PCDH15: variants seen among roughly 807,000 people sequenced by gnomAD.
The protein encoded by PCDH15 is protocadherin-15.
Under a neutral mutation model 178.5 loss-of-function variants are expected in PCDH15, and 129 were observed. The ratio of observed to expected loss-of-function variants is 0.72; its 90% confidence interval spans 0.63 to 0.84. The LOEUF is 0.84. Among genes scored for constraint, PCDH15 ranks in the 40% least tolerant of loss-of-function variants. The probability of loss-of-function intolerance (pLI) is 0.00; values close to 1 mark genes in which losing one functional copy is unlikely to be tolerated. For synonymous variants in PCDH15, 800 were observed against 732.0 expected, an observed-to-expected ratio of 1.09 and a Z score of -1.50; for missense variants, 2,230 against 2,099.9, an observed-to-expected ratio of 1.06 and a Z score of -1.21.
intron 2 of PCDH15, among the ~76,000 whole-genome samples, chr10:55,477,288 A>T (rs1840081609): frequency 6.6e-6 from 1 of 151,900 alleles, no homozygotes; most frequent in South Asian, 2.1e-4. Context: ...AATGTATGGT[A>T]TGGCTTCCTT....
At chr10:53,971,060 C>G (rs1287067685) in intron 21 of PCDH15, among the ~76,000 whole-genome samples, 1 of 152,184 alleles carries the variant, frequency 6.6e-6, no homozygotes, top group Non-Finnish European at 1.5e-5. Context: ...AAAACCAAAT[C>G]CAGCAGCACA....
chr10:54,882,090 C>T (rs780219394), intron 3 of PCDH15, among the ~76,000 whole-genome samples: 7 of 151,892 alleles, frequency 4.6e-5, no homozygotes, highest in Non-Finnish European at 7.4e-5. Context: ...TTATTTAATA[C>T]CGAATTCATA....
intron 2 of PCDH15, among the ~76,000 whole-genome samples, chr10:54,979,816 G>A (rs555113481): frequency 2.0e-5 from 3 of 151,812 alleles, no homozygotes; most frequent in Non-Finnish European, 2.9e-5. Context: ...CATATTCTAC[G>A]TGTAACATAC....
At chr10:54,867,920 A>T (rs911595749) in intron 3 of PCDH15, among the ~76,000 whole-genome samples, 3 of 152,290 alleles carry the variant, frequency 2.0e-5, no homozygotes, top group African/African-American at 7.2e-5. Flanking sequence ...AATTAATAAT[A>T]ATTCTTGTAT....
At chr10:55,087,629 T>C (rs1252472354) in intron 2 of PCDH15, among the ~76,000 whole-genome samples, 3 of 152,118 alleles carry the variant, frequency 2.0e-5, no homozygotes, top group Non-Finnish European at 4.4e-5. Flanking sequence ...AGAGAACAGT[T>C]ACAGACTGTT....
At chr10:54,622,583 AAT>A (rs1341190267) in intron 2 of PCDH15, among the ~76,000 whole-genome samples, 3 of 45,032 alleles carry the variant, frequency 6.7e-5, no homozygotes, top group East Asian at 6.7e-4. Context: ...ATATATATAT[AAT>A]ATATATAATA....
At chr10:55,047,727 C>CA (rs978908720) in intron 2 of PCDH15, among the ~76,000 whole-genome samples, 1 of 151,442 alleles carries the variant, frequency 6.6e-6, no homozygotes, top group African/African-American at 2.4e-5. Flanking sequence ...CCCTACTTTC[C>CA]AAAAAAATAA....
At chr10:53,852,527 C>T (rs2078451887) in intron 28 of PCDH15, among the ~76,000 whole-genome samples, 1 of 152,050 alleles carries the variant, frequency 6.6e-6, no homozygotes, top group Admixed American at 6.6e-5. Context: ...TCAGCTGATT[C>T]AGTGAGGTGA....
intron 14 of PCDH15, among the ~76,000 whole-genome samples, chr10:54,151,232 G>A (rs1318319284): frequency 6.6e-6 from 1 of 151,980 alleles, no homozygotes; most frequent in Admixed American, 6.6e-5. Flanking sequence ...AGTATAATAG[G>A]AAATGAAAGT....
In PCDH15 at chr10:53,983,343, T is replaced by A. The variant is rs1444657355; in HGVS notation, c.2868+12306A>T. Among the ~76,000 whole-genome samples the A allele has an allele frequency of 2.7e-5, 4 of 150,012 alleles. No individual in the cohort carries two copies. In the South Asian group the frequency reaches 8.4e-4, roughly 31 times the overall value. ...AATTTAACTGGATGTCAAGGTATCC[T>A]TAAAGGACAAAAGAGAAAGAAAAAA... On this transcript the variant is annotated intron_variant, in intron 21 of 37. Coordinates refer to ENST00000644397, the MANE Select transcript of PCDH15 (RefSeq NM_001384140.1).
rs142132711 is a variant in PCDH15, at chr10:54,983,201, T to C, written c.-79-85701A>G. On this transcript the variant is annotated intron_variant, in intron 2 of 5. Coordinates refer to the PCDH15 transcript ENST00000458638. The stretch of plus-strand genomic sequence containing the variant: ...TTTATCCATCAAATCCTTTGGAAAT[T>C]ATAAGCTAATTTTATCTCAACTGTT... Among the ~76,000 whole-genome samples, 1,071 of 152,266 alleles carry C rather than the reference T, an allele frequency of 7.0e-3. 4 individuals carry two copies. Among genetic ancestry groups the C allele is most frequent in the Middle Eastern group, 0.027 (8 of 294 alleles).
chr10:55,420,311 AAAGC>A (rs56700579), intron 2 of PCDH15, among the ~76,000 whole-genome samples: 40,770 of 151,292 alleles, frequency 0.27, 6,671 homozygotes, highest in African/African-American at 0.47. Context: ...CTCATATGGT[AAAGC>A]TCATATGGCC....
Position 53,852,596 on chromosome 10 carries a change from G to A in PCDH15, c.3806+4579C>T, listed in dbSNP as rs191569724. Among the ~76,000 whole-genome samples, 622 of 152,090 alleles carry A rather than the reference G, an allele frequency of 4.1e-3. 1 individual carries two copies. The highest frequency in any genetic ancestry group is 7.0e-3 in the Non-Finnish European group (474 of 67,972). On this transcript the variant is annotated intron_variant, in intron 28 of 37. Transcript: ENST00000644397. ...AAGCATTCCATTTTCCAGGTACTGCGGTCTTAGCTATCAAAGTGTACTGAT... is the reference window on the plus strand; with the variant it reads ...AAGCATTCCATTTTCCAGGTACTGCAGTCTTAGCTATCAAAGTGTACTGAT...
In PCDH15 at chr10:54,841,561, C is replaced by T. The variant is rs545781440; in HGVS notation, c.-29+55889G>A. Among the ~76,000 whole-genome samples, 442 of 151,326 alleles carry T rather than the reference C, an allele frequency of 2.9e-3. 2 individuals are homozygous for T. The highest frequency in any genetic ancestry group is 8.3e-3 in the Admixed American group (126 of 15,134). ...GCAGAAATAATAAAAATTAGAGCAA[C>T]AAATAATATAAAGACAAAAAAGGAA... On this transcript the variant is annotated intron_variant, in intron 3 of 5. Transcript: ENST00000458638.
chr10:54,492,050 C>A lies in PCDH15; in HGVS notation c.157+35762G>T, dbSNP rs183638303. On this transcript the variant is annotated intron_variant, in intron 3 of 37. Transcript: ENST00000644397. ...ATTTAGTGTTACAACTCTTTAATAA[C>A]CACTCAATCTATTTCCCTTTAAAAG... is the stretch of plus-strand genomic sequence containing the variant. 4.5e-3 allele frequency among the ~76,000 whole-genome samples: 681 copies of A among 152,252 alleles called. 4 individuals are homozygous for A. Among genetic ancestry groups the A allele is most frequent in the Middle Eastern group, 0.014 (4 of 294 alleles).
intron 2 of PCDH15, among the ~76,000 whole-genome samples, chr10:55,524,318 G>A (rs1451401528): frequency 6.6e-6 from 1 of 151,560 alleles, no homozygotes; most frequent in Non-Finnish European, 1.5e-5. Context: ...TTATATTTAA[G>A]TAAATAGCTC....
At chr10:54,747,806 A>ATTTTTTTTTTTTTTTTTTTTTTT (rs10628733) in intron 1 of PCDH15, among the ~76,000 whole-genome samples, 1 of 135,564 alleles carries the variant, frequency 7.4e-6, no homozygotes, top group African/African-American at 2.8e-5. Flanking sequence ...CAATGGTTAC[A>ATTTTTTTTTTTTTTTTTTTTTTT]TTTTTTTTTT....
intron 25 of PCDH15, among the ~76,000 whole-genome samples, chr10:53,935,413 G>A (rs1176126221): frequency 6.6e-6 from 1 of 152,058 alleles, no homozygotes; most frequent in African/African-American, 2.4e-5. Flanking sequence ...TGAAGCAGAA[G>A]CATTGCTCAC....
At chr10:55,128,317 A>T (rs1837955992) in intron 2 of PCDH15, among the ~76,000 whole-genome samples, 1 of 151,638 alleles carries the variant, frequency 6.6e-6, no homozygotes, top group African/African-American at 2.4e-5. Flanking sequence ...TTACAGACTC[A>T]ATGCTTATGG....
Sources: gnomAD v4.1 joint callset for allele counts (sites outside exome capture counted in the v4.1 genomes callset) on GRCh38, gnomAD v4.1.1 for gene constraint, MANE v1.5 for transcripts, NCBI Gene and HGNC (gene_info 2026-07-23, HGNC 2026-07-21) for gene names.